Variants in FHIT observed in about 807,000 individuals in gnomAD.
FHIT encodes fragile histidine triad diadenosine triphosphatase, also known as bis(5'-adenosyl)-triphosphatase.
FHIT carries 19 observed loss-of-function variants against 17.9 expected under a neutral mutation model. That is an observed-to-expected ratio of 1.06 (90% CI 0.74 to 1.56). The LOEUF is 1.56. Ranked by LOEUF, FHIT falls within the 40% of genes most tolerant of loss-of-function variation. The pLI is 0.00. For synonymous variants in FHIT, 81 were observed against 69.7 expected, an observed-to-expected ratio of 1.16 and a Z score of -0.81; for missense variants, 248 against 189.2, an observed-to-expected ratio of 1.31 and a Z score of -1.82.
At chr3:59,909,687 C>T (rs1255463564) in intron 8 of FHIT, among the ~76,000 whole-genome samples, 1 of 152,166 alleles carries the variant, frequency 6.6e-6, no homozygotes, top group Non-Finnish European at 1.5e-5. Flanking sequence ...CTCACACACA[C>T]ATGTATTTCC....
At chr3:60,699,774 T>TAC (rs1267779907) in intron 4 of FHIT, among the ~76,000 whole-genome samples, 2 of 140,822 alleles carry the variant, frequency 1.4e-5, no homozygotes, top group African/African-American at 6.0e-5. Flanking sequence ...CACACACACA[T>TAC]ACACACATAC....
At chr3:61,182,302 C>G (rs920109191) in intron 2 of FHIT, among the ~76,000 whole-genome samples, 2 of 152,080 alleles carry the variant, frequency 1.3e-5, no homozygotes, top group African/African-American at 4.8e-5. Context: ...CACAACTGTT[C>G]CAAAAGTTCA....
intron 5 of FHIT, among the ~76,000 whole-genome samples, chr3:60,513,525 T>A (rs1471773303): frequency 6.6e-6 from 1 of 152,186 alleles, no homozygotes; most frequent in East Asian, 1.9e-4. Context: ...CAGTTAAGGA[T>A]AACAAAGATA....
chr3:60,378,759 G>C (rs1700682641), intron 5 of FHIT, among the ~76,000 whole-genome samples: 1 of 152,210 alleles, frequency 6.6e-6, no homozygotes, highest in African/African-American at 2.4e-5. Context: ...AGCAATGCCT[G>C]ACCTTCAGAC....
intron 2 of FHIT, among the ~76,000 whole-genome samples, chr3:61,164,757 T>C (rs1015580066): frequency 7.9e-5 from 12 of 152,308 alleles, no homozygotes; most frequent in Middle Eastern, 3.4e-3. Context: ...GTACTGAGAA[T>C]AGTACTCAAC....
intron 5 of FHIT, among the ~76,000 whole-genome samples, chr3:60,263,681 T>C (rs1041712882): frequency 6.6e-6 from 1 of 151,754 alleles, no homozygotes; most frequent in Admixed American, 6.6e-5. Flanking sequence ...AGAGAGGAGG[T>C]GGAATGCAAA....
intron 5 of FHIT, among the ~76,000 whole-genome samples, chr3:60,070,232 C>T (rs1310316967): frequency 1.3e-5 from 2 of 152,140 alleles, no homozygotes; most frequent in Non-Finnish European, 2.9e-5. Context: ...CAGAAGCTCT[C>T]CAGGTGTTCT....
chr3:60,185,875 T>C (rs1208379734), intron 5 of FHIT, among the ~76,000 whole-genome samples: 1 of 152,204 alleles, frequency 6.6e-6, no homozygotes, highest in East Asian at 1.9e-4. Flanking sequence ...TATCATCTTG[T>C]ACTAATTTGC....
chr3:60,708,999 T>C (rs939546953), intron 4 of FHIT, among the ~76,000 whole-genome samples: 2 of 152,184 alleles, frequency 1.3e-5, no homozygotes, highest in African/African-American at 4.8e-5. Context: ...CAGAGCATTC[T>C]ATGGAACGTA....
intron 1 of FHIT, among the ~76,000 whole-genome samples, chr3:61,249,529 T>C (rs2040562658): frequency 6.6e-6 from 1 of 152,172 alleles, no homozygotes. Context: ...AGGTAAGGTC[T>C]TTCTCTAAGC....
At chr3:60,801,889 G>A (rs2106666279) in intron 4 of FHIT, among the ~76,000 whole-genome samples, 1 of 152,314 alleles carries the variant, frequency 6.6e-6, no homozygotes, top group Non-Finnish European at 1.5e-5. Flanking sequence ...GGCAAACAGT[G>A]ATTCCTTCCC....
chr3:59,909,821 C>A (rs567128735), intron 8 of FHIT, among the ~76,000 whole-genome samples: 3 of 152,128 alleles, frequency 2.0e-5, no homozygotes, highest in Non-Finnish European at 4.4e-5. Flanking sequence ...TAAAAAGTGA[C>A]CCCTGATGTT....
intron 2 of FHIT, among the ~76,000 whole-genome samples, chr3:61,152,044 A>G (rs1026622815): frequency 6.6e-6 from 1 of 152,162 alleles, no homozygotes; most frequent in Non-Finnish European, 1.5e-5. Context: ...ATTGTAGTTA[A>G]CCATCATACC....
chr3:60,537,528 GA>G (rs574136409), intron 4 of FHIT: 184 of 881,976 alleles, frequency 2.1e-4, no homozygotes, highest in Middle Eastern at 1.2e-3. Context: ...AAATAAAGGA[GA>G]AAAAAAACAT....
At chr3:59,808,332 G>A (rs370324242) in intron 8 of FHIT, among the ~76,000 whole-genome samples, 27 of 152,192 alleles carry the variant, frequency 1.8e-4, no homozygotes, top group South Asian at 1.5e-3. Context: ...GGGATATTGC[G>A]GAGGGGCCTC....
At chr3:60,626,437 A>T (rs2039288128) in intron 4 of FHIT, among the ~76,000 whole-genome samples, 1 of 152,042 alleles carries the variant, frequency 6.6e-6, no homozygotes, top group Non-Finnish European at 1.5e-5. Context: ...TGTTGCTTTT[A>T]ATTTATTCCC....
In FHIT at chr3:60,258,006, T is replaced by C. The variant is rs921020015; in HGVS notation, c.104-243854A>G. ...AAAACCACCATGGCACATGTTTACC[T>C]ATGTAACAAACCTGCAATCCTGCAC... On this transcript the variant is annotated intron_variant, in intron 5 of 9. Transcript: ENST00000492590. 6.5e-4 allele frequency among the ~76,000 whole-genome samples: 98 copies of C among 151,608 alleles called. 1 individual carries two copies. The highest frequency in any genetic ancestry group is 6.8e-3 in the Middle Eastern group (2 of 294).
intron 4 of FHIT, among the ~76,000 whole-genome samples, chr3:60,578,473 ACACG>A (rs1280700193): frequency 6.8e-6 from 1 of 146,868 alleles, no homozygotes; most frequent in Non-Finnish European, 1.5e-5. Flanking sequence ...ACACACACAC[ACACG>A]ATAAATATTC....
chr3:60,931,977 G>A (rs1389067146), intron 3 of FHIT, among the ~76,000 whole-genome samples: 4 of 152,108 alleles, frequency 2.6e-5, no homozygotes, highest in African/African-American at 9.7e-5. Context: ...GAACACTAAC[G>A]GCTACCTCAC....
Sources: gnomAD v4.1 joint callset for allele counts (sites outside exome capture counted in the v4.1 genomes callset) on GRCh38, gnomAD v4.1.1 for gene constraint, MANE v1.5 for transcripts, NCBI Gene and HGNC (gene_info 2026-07-23, HGNC 2026-07-21) for gene names.